ACACA: variants seen among roughly 807,000 people sequenced by gnomAD.
ACACA encodes the protein acetyl-CoA carboxylase alpha.
Under a neutral mutation model 296.1 loss-of-function variants are expected in ACACA, and 103 were observed. That is an observed-to-expected ratio of 0.35 (90% CI 0.30 to 0.41). The LOEUF is 0.41. Ranked by LOEUF, ACACA falls within the 10% of genes least tolerant of loss-of-function variation. ACACA has a pLI of 1.00. For synonymous variants in ACACA, 953 were observed against 1,038.6 expected (o/e 0.92, Z 1.58); for missense variants, 1,554 against 2,989.7 (o/e 0.52, Z 11.20).
intron 1 of ACACA, among the ~76,000 whole-genome samples, chr17:37,358,717 C>G (rs1411394012): frequency 2.0e-5 from 3 of 152,136 alleles, no homozygotes; most frequent in Non-Finnish European, 2.9e-5. Flanking sequence ...CTCCAGCCCC[C>G]CTTCCTAGAG....
intron 43 of ACACA, among the ~76,000 whole-genome samples, chr17:37,152,495 C>T (rs2076085002): frequency 6.6e-6 from 1 of 152,108 alleles, no homozygotes; most frequent in African/African-American, 2.4e-5. Flanking sequence ...CATACTCCTT[C>T]ATAAATATCA....
intron 10 of ACACA, among the ~76,000 whole-genome samples, chr17:37,265,988 T>C (rs1294552537): frequency 6.6e-6 from 1 of 152,220 alleles, no homozygotes; most frequent in Non-Finnish European, 1.5e-5. Context: ...CACAAGTCTC[T>C]TGACAACTTT....
chr17:37,325,546 A>ACTTTTT (rs2047569024), intron 3 of ACACA, among the ~76,000 whole-genome samples: 1 of 134,470 alleles, frequency 7.4e-6, no homozygotes, highest in African/African-American at 2.9e-5. Flanking sequence ...AGCTATAACT[A>ACTTTTT]CTTTTTACTT....
At chr17:37,389,224 A>T in intron 1 of ACACA, 1 of 1,561,084 alleles carries the variant, frequency 6.4e-7, no homozygotes. Context: ...TCATATTAAT[A>T]CCAGTCATTT....
intron 55 of ACACA, among the ~76,000 whole-genome samples, chr17:37,088,434 T>C (rs1341083388): frequency 2.0e-5 from 3 of 152,206 alleles, no homozygotes; most frequent in African/African-American, 4.8e-5. Context: ...ACAGATATTA[T>C]ATATAGGGGT....
intron 1 of ACACA, among the ~76,000 whole-genome samples, chr17:37,404,193 T>C (rs1597815150): frequency 6.6e-6 from 1 of 152,198 alleles, no homozygotes; most frequent in East Asian, 1.9e-4. Flanking sequence ...GATCTGGATA[T>C]TTGCCTTAGC....
chr17:37,181,120 T>C (rs1445177644), intron 40 of ACACA, 81 bp downstream of exon 40: 3 of 1,527,182 alleles, frequency 2.0e-6, no homozygotes, highest in East Asian at 2.3e-5. Flanking sequence ...TGCCCCCTTC[T>C]AGCCAAAACC....
intron 1 of ACACA, chr17:37,365,705 T>A: frequency 1.0e-6 from 1 of 985,430 alleles, no homozygotes; most frequent in South Asian, 4.7e-5. Context: ...CTTCATACCA[T>A]AAGGTCAGAA....
At position 37,087,292 on chromosome 17, in the gene ACACA, G is replaced by A; in HGVS notation, c.*24C>T. The A allele has an allele frequency of 6.2e-7, 1 of 1,613,922 alleles. No individual in the cohort carries two copies. The highest frequency in any genetic ancestry group is 8.5e-7 in the Non-Finnish European group (1 of 1,180,010). On this transcript the variant is annotated 3_prime_UTR_variant, in exon 56 of 56. Transcript: ENST00000616317. ...TCTAGCCCTTTTCTCCAGAGACAGG[G>A]CAGGGACAGGCAGGAAGCTCTTCCT...
In ACACA at chr17:37,284,867, G is replaced by A. The variant is rs753354765; in HGVS notation, c.442C>T (p.Arg148Cys). 3 of 1,614,004 alleles carry A rather than the reference G, an allele frequency of 1.9e-6. No homozygotes were observed. Among genetic ancestry groups the A allele is most frequent in the Admixed American group, 1.7e-5 (1 of 59,990 alleles). ...TCAATCACTTTATTTCCCCCAAAGC[G>A]AGTAACAAATTCTGCTGGAGAAGCC... ...TVASPAEFVT[R>C]FGGNKVIEKV... The change falls in exon 4 of 56, where the codon CGC (arginine) becomes TGC (cysteine). Residue 148 changes from arginine (R) to cysteine (C), a missense_variant. Coordinates refer to ENST00000616317, the MANE Select transcript of ACACA (RefSeq NM_198834.3).
intron 3 of ACACA, among the ~76,000 whole-genome samples, chr17:37,316,088 C>A (rs2047072813): frequency 6.6e-6 from 1 of 152,030 alleles, no homozygotes; most frequent in South Asian, 2.1e-4. Flanking sequence ...GTGCCAGGAA[C>A]CAAGGATAGA....
intron 52 of ACACA, among the ~76,000 whole-genome samples, chr17:37,105,511 G>A (rs2073624898): frequency 1.3e-5 from 2 of 151,902 alleles, no homozygotes; most frequent in Non-Finnish European, 2.9e-5. Context: ...GTTATACTAA[G>A]AAGCCTATGT....
At chr17:37,393,772 T>C (rs2050978437) in intron 1 of ACACA, among the ~76,000 whole-genome samples, 2 of 150,736 alleles carry the variant, frequency 1.3e-5, no homozygotes, top group African/African-American at 4.9e-5. Flanking sequence ...AACCTGAGAT[T>C]GAACCATTGC....
intron 3 of ACACA, among the ~76,000 whole-genome samples, chr17:37,285,723 G>A (rs911487520): frequency 1.3e-5 from 2 of 148,342 alleles, no homozygotes; most frequent in African/African-American, 5.0e-5. Context: ...GGGGTGGGGG[G>A]CGCAGCTGAG....
intron 41 of ACACA, among the ~76,000 whole-genome samples, chr17:37,167,847 C>T (rs2144601693): frequency 6.6e-6 from 1 of 152,208 alleles, no homozygotes; most frequent in African/African-American, 2.4e-5. Context: ...CTAATATGAT[C>T]TTTGTAACTT....
At chr17:37,350,354 A>T (rs2048842963) in intron 1 of ACACA, among the ~76,000 whole-genome samples, 1 of 151,434 alleles carries the variant, frequency 6.6e-6, no homozygotes, top group Non-Finnish European at 1.5e-5. Context: ...AAACCAAAAA[A>T]AAAAACCCAG....
At chr17:37,246,461 A>G (rs1412125019) in intron 19 of ACACA, among the ~76,000 whole-genome samples, 1 of 151,788 alleles carries the variant, frequency 6.6e-6, no homozygotes, top group African/African-American at 2.4e-5. Context: ...TTTGTGACGC[A>G]GGCCACAAAT....
chr17:37,371,899 CA>C (rs934529757), intron 1 of ACACA, among the ~76,000 whole-genome samples: 2 of 148,230 alleles, frequency 1.3e-5, no homozygotes, highest in African/African-American at 5.0e-5. Context: ...GACTACGTCT[CA>C]AAAAAAAATA....
At chr17:37,147,371 C>A (rs899293599) in intron 45 of ACACA, among the ~76,000 whole-genome samples, 3 of 152,024 alleles carry the variant, frequency 2.0e-5, no homozygotes, top group African/African-American at 7.2e-5. Context: ...AAGATCAGCA[C>A]CCACACAGAA....
Sources: allele counts gnomAD v4.1 joint callset (sites outside exome capture counted in the v4.1 genomes callset), GRCh38; gene constraint gnomAD v4.1.1; transcripts MANE v1.5; gene names NCBI Gene and HGNC (gene_info 2026-07-23, HGNC 2026-07-21).